Variants in CPS1 observed in about 807,000 individuals in gnomAD.
The protein encoded by CPS1 is carbamoyl-phosphate synthase 1.
In CPS1, 109 loss-of-function variants were observed where a neutral mutation model predicts 174.6. The ratio of observed to expected loss-of-function variants is 0.62; its 90% CI spans 0.53 to 0.73. The LOEUF is 0.73. CPS1 is among the 30% of genes least tolerant of loss of function. CPS1 has a pLI of 0.00. For synonymous variants in CPS1, 637 were observed against 632.0 expected, an observed-to-expected ratio of 1.01 and a Z score of -0.12; for missense variants, 1,689 against 1,821.9, an observed-to-expected ratio of 0.93 and a Z score of 1.33.
intron 11 of CPS1, among the ~76,000 whole-genome samples, 195 bp downstream of exon 11, chr2:210,593,151 A>G (rs986237490): frequency 1.3e-5 from 2 of 151,986 alleles, no homozygotes; most frequent in Non-Finnish European, 2.9e-5. Context: ...TTTAAAATTT[A>G]AAGTGGGAAA....
intron 21 of CPS1, among the ~76,000 whole-genome samples, chr2:210,629,226 A>C (rs1574614442): frequency 1.3e-5 from 2 of 152,374 alleles, no homozygotes; most frequent in South Asian, 4.1e-4. Flanking sequence ...TATTCATCAG[A>C]AATAACAGAA....
At chr2:210,574,635 T>G (rs1369771737) in intron 2 of CPS1, among the ~76,000 whole-genome samples, 3 of 152,106 alleles carry the variant, frequency 2.0e-5, no homozygotes, top group Admixed American at 1.3e-4. Flanking sequence ...TTAATATAGA[T>G]CAGCATGATG....
chr2:210,481,732 T>C (rs1262998195), intron 1 of CPS1, among the ~76,000 whole-genome samples: 1 of 152,260 alleles, frequency 6.6e-6, no homozygotes, highest in South Asian at 2.1e-4. Flanking sequence ...TCATTTTTCC[T>C]TTCTATTTGC....
At chr2:210,612,855 T>C (rs1230599810) in intron 20 of CPS1, among the ~76,000 whole-genome samples, 1 of 151,960 alleles carries the variant, frequency 6.6e-6, no homozygotes, top group Non-Finnish European at 1.5e-5. Flanking sequence ...AGGCCCTACA[T>C]TTCTCACTTC....
rs139174380 is a variant in CPS1 at position 210,520,563 on chromosome 2, C to G, written c.4-36156C>G. Among the ~76,000 whole-genome samples, 340 of 152,042 alleles carry G rather than the reference C, an allele frequency of 2.2e-3. 1 individual carries two copies. The highest frequency in any genetic ancestry group is 7.9e-3 in the African/African-American group (326 of 41,496). On this transcript the variant is annotated intron_variant, in intron 1 of 38. Coordinates refer to the CPS1 transcript ENST00000430249. Reference sequence around the variant, plus strand: ...CCATTTATAAGTGAGAACATGCACACTCAATATTTCTTAATGCCTTTTCAT... The same window carrying G: ...CCATTTATAAGTGAGAACATGCACAGTCAATATTTCTTAATGCCTTTTCAT...
chr2:210,643,001 CAG>C (rs1269443849), intron 25 of CPS1, among the ~76,000 whole-genome samples: 1 of 152,168 alleles, frequency 6.6e-6, no homozygotes, highest in African/African-American at 2.4e-5. Flanking sequence ...AAATATCTTG[CAG>C]AGTGATTGAA....
rs67369344 is a variant in CPS1, at chr2:210,535,819, G to GTTTTTTTTTTTTTTTTTT, written c.4-20897_4-20880dup. On this transcript the variant is annotated intron_variant, in intron 1 of 38. Coordinates refer to the CPS1 transcript ENST00000430249. ...TTTAGTCCCTTCTCCCTTTTTCCTTGTTTTTTTTTTTTTTTTTTTTGATAA... is the reference window on the plus strand; with the variant it reads ...TTTAGTCCCTTCTCCCTTTTTCCTTGTTTTTTTTTTTTTTTTTTTTTTTTTTTTTTTTTTTTTTGATAA... 1.7e-5 allele frequency among the ~76,000 whole-genome samples: 2 copies of GTTTTTTTTTTTTTTTTTT among 118,212 alleles called. 1 individual carries two copies. The highest frequency in any genetic ancestry group is 3.4e-5 in the Non-Finnish European group (2 of 58,052). 77.6% of individuals were successfully genotyped at this position (118,212 alleles called of 152,430 possible).
intron 1 of CPS1, among the ~76,000 whole-genome samples, chr2:210,566,431 C>G (rs1165438980): frequency 6.6e-6 from 1 of 152,088 alleles, no homozygotes. Flanking sequence ...TAATTCATGA[C>G]TTGACATTTC....
intron 31 of CPS1, among the ~76,000 whole-genome samples, chr2:210,659,492 A>G (rs1406237769): frequency 6.6e-6 from 1 of 152,110 alleles, no homozygotes; most frequent in African/African-American, 2.4e-5. Context: ...TTCATGAAAA[A>G]TCCACCCCTC....
intron 11 of CPS1, 69 bp from the exon 12 acceptor site, chr2:210,594,439 A>C (rs1258893701): frequency 4.1e-6 from 4 of 982,336 alleles, no homozygotes; most frequent in Admixed American, 1.8e-5. Flanking sequence ...TTAACTGGGT[A>C]TATTGTGTTT....
chr2:210,549,500 T>G (rs917361531), intron 1 of CPS1, among the ~76,000 whole-genome samples: 5 of 152,084 alleles, frequency 3.3e-5, no homozygotes, highest in African/African-American at 1.2e-4. Flanking sequence ...GTGTTGAGTT[T>G]GATTTGTGTA....
chr2:210,477,863 A>T, intron 1 of CPS1: 1 of 1,379,610 alleles, frequency 7.2e-7, no homozygotes, highest in African/African-American at 1.4e-5. Context: ...CATTTTATCA[A>T]TTATTTTTTC....
At chr2:210,506,412 G>C (rs1695285717) in intron 1 of CPS1, among the ~76,000 whole-genome samples, 1 of 152,100 alleles carries the variant, frequency 6.6e-6, no homozygotes, top group South Asian at 2.1e-4. Flanking sequence ...ACCAAAGGTA[G>C]ATAAAACCAC....
chr2:210,669,315 G>T (rs780024979), intron 34 of CPS1, among the ~76,000 whole-genome samples: 1 of 152,020 alleles, frequency 6.6e-6, no homozygotes, highest in African/African-American at 2.4e-5. Flanking sequence ...AAATACTAGA[G>T]GCTTCCCAAC....
chr2:210,632,391 A>G (rs1177165049), intron 21 of CPS1, among the ~76,000 whole-genome samples: 2 of 152,214 alleles, frequency 1.3e-5, no homozygotes, highest in Non-Finnish European at 2.9e-5. Context: ...CTGCCCCACA[A>G]CTAATGAATT....
At chr2:210,478,250 A>C (rs1694459427) in intron 1 of CPS1, among the ~76,000 whole-genome samples, 1 of 152,130 alleles carries the variant, frequency 6.6e-6, no homozygotes, top group African/African-American at 2.4e-5. Context: ...CAACATATCA[A>C]TTGTTTCTGT....
At chr2:210,648,152 A>G in intron 26 of CPS1, 95 bp downstream of exon 26, 3 of 1,261,584 alleles carry the variant, frequency 2.4e-6, no homozygotes, top group Non-Finnish European at 3.4e-6. Context: ...TATGTTAACT[A>G]CAGGGCAGAT....
At chr2:210,501,463 A>G (rs1695136721) in intron 1 of CPS1, among the ~76,000 whole-genome samples, 1 of 152,156 alleles carries the variant, frequency 6.6e-6, no homozygotes, top group South Asian at 2.1e-4. Flanking sequence ...GTAAAACTGA[A>G]TGCTTTTAAC....
At chr2:210,666,354 G>T (rs1379613924) in intron 33 of CPS1, among the ~76,000 whole-genome samples, 62 of 150,618 alleles carry the variant, frequency 4.1e-4, no homozygotes, top group African/African-American at 1.3e-3. Flanking sequence ...GTCAATTTTG[G>T]CTTTTGTTGC....
Sources: gnomAD v4.1 joint callset for allele counts (sites outside exome capture counted in the v4.1 genomes callset) on GRCh38, gnomAD v4.1.1 for gene constraint, MANE v1.5 for transcripts, NCBI Gene and HGNC (gene_info 2026-07-23, HGNC 2026-07-21) for gene names.